The following AKAP6 variants were observed in gnomAD, a reference collection of about 807,000 sequenced individuals.
AKAP6 encodes A-kinase anchor protein 6.
In AKAP6, 58 loss-of-function variants were observed where a neutral mutation model predicts 188.5. The observed-to-expected ratio is 0.31, with a 90% CI of 0.25 to 0.38. AKAP6 has a LOEUF of 0.38. AKAP6 is among the 10% of genes least tolerant of loss of function. The pLI, the probability that AKAP6 is intolerant of heterozygous loss-of-function variation, is 1.00. For missense variants in AKAP6, 2,710 were observed against 2,740.0 expected (o/e 0.99, Z 0.24); for synonymous variants, 989 against 998.6 (o/e 0.99, Z 0.18).
At chr14:32,531,572 C>G (rs945249129) in intron 2 of AKAP6, among the ~76,000 whole-genome samples, 5 of 149,234 alleles carry the variant, frequency 3.4e-5, no homozygotes, top group African/African-American at 1.2e-4. Flanking sequence ...ATTTGCATAA[C>G]ACCTCCACAA....
intron 5 of AKAP6, among the ~76,000 whole-genome samples, chr14:32,585,305 A>T (rs1011050386): frequency 1.3e-5 from 2 of 152,222 alleles, no homozygotes; most frequent in African/African-American, 4.8e-5. Flanking sequence ...GCTGTGCAAG[A>T]TGTAGGAAAA....
At chr14:32,430,491 G>A (rs1890182138) in intron 1 of AKAP6, among the ~76,000 whole-genome samples, 1 of 152,194 alleles carries the variant, frequency 6.6e-6, no homozygotes, top group African/African-American at 2.4e-5. Context: ...AGGAGTTTCA[G>A]AGAAAACACG....
intron 12 of AKAP6, among the ~76,000 whole-genome samples, chr14:32,813,737 G>T (rs1018413702): frequency 3.9e-5 from 6 of 152,054 alleles, no homozygotes; most frequent in Non-Finnish European, 7.4e-5. Context: ...GGGAAGAAAA[G>T]AAATCCTTAT....
intron 12 of AKAP6, among the ~76,000 whole-genome samples, chr14:32,797,362 C>G (rs915792420): frequency 1.3e-5 from 2 of 152,140 alleles, no homozygotes; most frequent in African/African-American, 4.8e-5. Context: ...TGGAATCAAC[C>G]TAAACCCTAT....
At position 32,609,880 on chromosome 14, in the gene AKAP6, G is replaced by GACACAC. The variant is rs71115085; in HGVS notation, c.2730+9125_2730+9130dup. Among the ~76,000 whole-genome samples the GACACAC allele has an allele frequency of 3.7e-3, 515 of 137,412 alleles. 2 individuals are homozygous for GACACAC. Among genetic ancestry groups the GACACAC allele is most frequent in the East Asian group, 0.013 (58 of 4,392 alleles). The allele number at this position is 137,412 out of a possible 152,430, so 90.1% of individuals were successfully genotyped here. On this transcript the variant is annotated intron_variant, in intron 7 of 13. Transcript: ENST00000280979. ...GGTCTCTCTCTCTCTCTCTCTCTCT[G>GACACAC]ACACACACACACACACACACACACA...
At chr14:32,399,948 C>T (rs1440383907) in intron 1 of AKAP6, among the ~76,000 whole-genome samples, 1 of 152,042 alleles carries the variant, frequency 6.6e-6, no homozygotes, top group East Asian at 1.9e-4. Flanking sequence ...TGCAAGCTTT[C>T]GTTATCTGTG....
intron 12 of AKAP6, among the ~76,000 whole-genome samples, chr14:32,817,023 G>C (rs1038161861): frequency 6.6e-6 from 1 of 152,068 alleles, no homozygotes; most frequent in Non-Finnish European, 1.5e-5. Context: ...TCTTTCAAAA[G>C]ATGCAACTTT....
Position 32,535,820 on chromosome 14 carries a change from T to C in AKAP6, c.576+15T>C. The C allele has an allele frequency of 6.2e-7, 1 of 1,600,724 alleles. No individual in the cohort carries two copies. The highest frequency in any genetic ancestry group is 8.5e-7 in the Non-Finnish European group (1 of 1,171,020). On this transcript the variant is annotated intron_variant, in intron 3 of 13. Transcript: ENST00000280979. ...AGACAAAAGAGGTGAGTGTTTTCCTTGAAGTTAAGCAATGCATTTCCAGGT... is the reference window on the plus strand; with the variant it reads ...AGACAAAAGAGGTGAGTGTTTTCCTCGAAGTTAAGCAATGCATTTCCAGGT...
At chr14:32,558,945 C>G (rs1227269183) in intron 4 of AKAP6, among the ~76,000 whole-genome samples, 2 of 152,158 alleles carry the variant, frequency 1.3e-5, no homozygotes, top group Non-Finnish European at 2.9e-5. Flanking sequence ...AAATTAGCCT[C>G]TAAGCTATGA....
chr14:32,816,993 T>A (rs2034393803), intron 12 of AKAP6, among the ~76,000 whole-genome samples: 1 of 152,146 alleles, frequency 6.6e-6, no homozygotes, highest in Non-Finnish European at 1.5e-5. Context: ...CTAGTCTTTT[T>A]GAGATTTTTT....
chr14:32,333,672 A>G (rs2138389869), intron 1 of AKAP6, among the ~76,000 whole-genome samples: 1 of 152,190 alleles, frequency 6.6e-6, no homozygotes, highest in East Asian at 1.9e-4. Flanking sequence ...GGTTTGGATT[A>G]GAATCTTTCT....
chr14:32,575,845 G>A (rs1263551543), intron 4 of AKAP6, among the ~76,000 whole-genome samples: 4 of 152,140 alleles, frequency 2.6e-5, no homozygotes, highest in Admixed American at 6.5e-5. Context: ...ACACACCAGA[G>A]CATGGCAGTA....
chr14:32,409,004 A>C (rs563196137), intron 1 of AKAP6, among the ~76,000 whole-genome samples: 1 of 152,282 alleles, frequency 6.6e-6, no homozygotes, highest in Non-Finnish European at 1.5e-5. Flanking sequence ...GTTTGATACC[A>C]GCCTGGCCAA....
At chr14:32,744,512 T>C (rs1566681542) in intron 11 of AKAP6, among the ~76,000 whole-genome samples, 1 of 152,012 alleles carries the variant, frequency 6.6e-6, no homozygotes, top group Admixed American at 6.6e-5. Context: ...GAGACAGGGT[T>C]TCACTGCACT....
intron 2 of AKAP6, among the ~76,000 whole-genome samples, chr14:32,503,324 T>C (rs1391232677): frequency 6.6e-6 from 1 of 152,084 alleles, no homozygotes; most frequent in African/African-American, 2.4e-5. Flanking sequence ...ATTATGGGGA[T>C]AAGCTGTGTG....
At chr14:32,427,535 G>C (rs555158047) in intron 1 of AKAP6, among the ~76,000 whole-genome samples, 1 of 152,106 alleles carries the variant, frequency 6.6e-6, no homozygotes, top group Non-Finnish European at 1.5e-5. Context: ...ACTAAGTGAC[G>C]AACTAGATCC....
At chr14:32,525,608 A>G (rs1016199040) in intron 2 of AKAP6, among the ~76,000 whole-genome samples, 5 of 152,212 alleles carry the variant, frequency 3.3e-5, no homozygotes, top group Non-Finnish European at 7.3e-5. Context: ...GAGGTGACCC[A>G]ATGTCAGTGA....
Position 32,361,053 on chromosome 14 carries a change from CATACATATAT to C in AKAP6, c.-35+31649_-35+31658del. The stretch of plus-strand genomic sequence containing the variant: ...TGTGAGCCACTGCACAAGGCCTGAA[CATACATATAT>C]ATATATATTTGAGAAGCTTTGGAGG... On this transcript the variant is annotated intron_variant, in intron 1 of 13. Coordinates refer to ENST00000280979, the MANE Select transcript of AKAP6 (RefSeq NM_004274.5). Among the ~76,000 whole-genome samples, 2 of 111,946 alleles carry C rather than the reference CATACATATAT, an allele frequency of 1.8e-5. 1 individual carries two copies. The highest frequency in any genetic ancestry group is 1.6e-4 in the Admixed American group (2 of 12,344). 73.4% of individuals were successfully genotyped at this position (111,946 alleles called of 152,430 possible). A position where few individuals can be genotyped will look rare whatever the true frequency, so the allele number is the denominator to read the frequency against.
chr14:32,727,728 C>G (rs888415117), intron 9 of AKAP6, among the ~76,000 whole-genome samples: 3 of 152,210 alleles, frequency 2.0e-5, no homozygotes, highest in African/African-American at 7.2e-5. Flanking sequence ...TTATCCCAAT[C>G]AGGAAAACCT....
Sources: gnomAD v4.1 joint callset for allele counts (sites outside exome capture counted in the v4.1 genomes callset) on GRCh38, gnomAD v4.1.1 for gene constraint, MANE v1.5 for transcripts, NCBI Gene and HGNC (gene_info 2026-07-23, HGNC 2026-07-21) for gene names.